Variants in DEPDC1 observed in about 807,000 individuals in gnomAD.
The protein encoded by DEPDC1 is DEP domain containing 1, also known as DEP domain-containing protein 1A.
A neutral mutation model predicts 86.8 loss-of-function variants in DEPDC1; 66 were observed. The observed-to-expected ratio is 0.76, with a 90% CI of 0.62 to 0.93. The LOEUF (loss-of-function observed/expected upper bound fraction) is 0.93. Among genes scored for constraint, DEPDC1 ranks in the 40% least tolerant of loss-of-function variants. DEPDC1 has a pLI of 0.00. For missense variants in DEPDC1, 792 were observed against 935.7 expected (o/e 0.85, Z 2.00); for synonymous variants, 255 against 314.9 (o/e 0.81, Z 2.02).
At chr1:68,477,481 A>G (rs1238216712) in intron 11 of DEPDC1, among the ~76,000 whole-genome samples, 1 of 151,746 alleles carries the variant, frequency 6.6e-6, no homozygotes, top group Non-Finnish European at 1.5e-5. Context: ...ATACATATCC[A>G]TACCTTATAA....
At chr1:68,492,676 A>T (rs1646237787) in intron 2 of DEPDC1, among the ~76,000 whole-genome samples, 1 of 152,216 alleles carries the variant, frequency 6.6e-6, no homozygotes, top group South Asian at 2.1e-4. Context: ...TTGAGGATTT[A>T]TGCAGAAATC....
At chr1:68,480,167 A>T (rs916303721) in intron 9 of DEPDC1, among the ~76,000 whole-genome samples, 11 of 151,688 alleles carry the variant, frequency 7.3e-5, no homozygotes, top group Non-Finnish European at 1.6e-4. Flanking sequence ...ATCTTATGGG[A>T]TCTTCAAATC....
At chr1:68,487,024 T>G (rs756833385) in intron 5 of DEPDC1, 40 bp from the exon 6 acceptor site, 8 of 1,564,164 alleles carry the variant, frequency 5.1e-6, no homozygotes, top group Non-Finnish European at 6.9e-6. Context: ...AACCATACAT[T>G]TTTTATGATA....
intron 6 of DEPDC1, among the ~76,000 whole-genome samples, chr1:68,484,642 C>T (rs1402417791): frequency 6.6e-6 from 1 of 151,842 alleles, no homozygotes. Context: ...GCTGAGAGTA[C>T]CTTGCCCAAG....
Position 68,489,541 on chromosome 1 carries a change from C to G in DEPDC1, c.382G>C (p.Glu128Gln), listed in dbSNP as rs1322888429. Residue 128 changes from glutamate to glutamine, a missense_variant, in exon 3 of 12, where the codon GAG becomes CAG. By Grantham distance (29) the Glu-to-Gln change is conservative (BLOSUM62 2). Transcript: ENST00000456315. ...RYPELRKNNIENFSKDKDSIF... is the reference protein window; with the variant it reads ...RYPELRKNNIQNFSKDKDSIF... ...CTATCTTTATCTTTGGAAAAGTTCT[C>G]TATGTTGTTTTTTCTCAATTCTGGA... The G allele has an allele frequency of 6.5e-7, 1 of 1,541,076 alleles. No homozygotes were observed. Among genetic ancestry groups the G allele is most frequent in the African/African-American group, 1.4e-5 (1 of 69,518 alleles).
chr1:68,478,913 CT>C (rs1646134944), intron 10 of DEPDC1, among the ~76,000 whole-genome samples: 1 of 151,926 alleles, frequency 6.6e-6, no homozygotes, highest in South Asian at 2.1e-4. Flanking sequence ...AGCCACATTC[CT>C]CATCATGTGA....
chr1:68,481,959 T>G, intron 8 of DEPDC1, 87 bp downstream of exon 8: 1 of 1,349,412 alleles, frequency 7.4e-7, no homozygotes, highest in Non-Finnish European at 9.9e-7. Context: ...ATTAAGCAAC[T>G]TCAAGGAAGA....
In DEPDC1 at chr1:68,489,670, T is replaced by C. The variant is rs1431707346; in HGVS notation, c.315-62A>G. The C allele has an allele frequency of 4.1e-6, 4 of 981,024 alleles. No homozygotes were observed. In the Admixed American group the frequency reaches 1.0e-4, roughly 25 times the overall value. The allele number at this position is 981,024 out of a possible 1,614,324, so 60.8% of individuals were successfully genotyped here. A position where few individuals can be genotyped will look rare whatever the true frequency, so the allele number is the denominator to read the frequency against. ...ATTAGAAACAAACTTTTAGAGCCTA[T>C]TTTTTTTTTAAAATTCACATAAAGA... On this transcript the variant is annotated intron_variant, in intron 2 of 11. Coordinates refer to ENST00000456315, the MANE Select transcript of DEPDC1 (RefSeq NM_001114120.3).
intron 7 of DEPDC1, chr1:68,483,455 A>T: frequency 2.5e-6 from 1 of 402,790 alleles, no homozygotes; most frequent in South Asian, 1.9e-5. Flanking sequence ...ATTGAGTTCA[A>T]TTGACAACAG....
At chr1:68,479,569 G>T (rs1162670979) in intron 9 of DEPDC1, among the ~76,000 whole-genome samples, 1 of 151,972 alleles carries the variant, frequency 6.6e-6, no homozygotes, top group African/African-American at 2.4e-5. Context: ...TTGGGAGGCT[G>T]AGGTGAGAGG....
At chr1:68,488,288 TCAATA>T in intron 5 of DEPDC1, 81 bp downstream of exon 5, 2 of 1,280,812 alleles carry the variant, frequency 1.6e-6, no homozygotes, top group South Asian at 3.8e-5. Flanking sequence ...TATTCTACTT[TCAATA>T]TTTGGGTCTC....
intron 2 of DEPDC1, among the ~76,000 whole-genome samples, chr1:68,490,730 A>T (rs966663488): frequency 1.3e-5 from 2 of 152,186 alleles, no homozygotes; most frequent in African/African-American, 4.8e-5. Flanking sequence ...AGCCAAGGCT[A>T]TCCTAAGAAA....
intron 10 of DEPDC1, among the ~76,000 whole-genome samples, chr1:68,478,920 T>C (rs1201248662): frequency 6.6e-6 from 1 of 151,986 alleles, no homozygotes; most frequent in Non-Finnish European, 1.5e-5. Flanking sequence ...TTCCTCATCA[T>C]GTGAAGGAGC....
At chr1:68,478,185 A>T (rs1646130384) in intron 10 of DEPDC1, among the ~76,000 whole-genome samples, 1 of 151,988 alleles carries the variant, frequency 6.6e-6, no homozygotes, top group Non-Finnish European at 1.5e-5. Context: ...TCAACAATGT[A>T]TTTAACTTTT....
At chr1:68,479,772 T>C (rs1419971141) in intron 9 of DEPDC1, among the ~76,000 whole-genome samples, 2 of 150,314 alleles carry the variant, frequency 1.3e-5, no homozygotes, top group Admixed American at 6.6e-5. Context: ...CACTGTACTC[T>C]AGCCTGGGAA....
chr1:68,481,481 C>T lies in DEPDC1; in HGVS notation c.1894G>A (p.Asp632Asn), dbSNP rs1395967592. Residue 632 changes from aspartate (D) to asparagine (N), a missense_variant, in exon 9 of 12, where the codon GAT becomes AAT. Asp to Asn is a conservative substitution (Grantham distance 23). Transcript: ENST00000456315. ...ATTGCATCATGAAGTTTGGGCATAT[C>T]AACATTTTGACTCATTCGGGAAATC... ...RMISRMSQNV[D>N]MPKLHDAMGT... 1.2e-6 allele frequency: 2 copies of T among 1,612,406 alleles called. No homozygotes were observed. Among genetic ancestry groups the T allele is most frequent in the African/African-American group, 1.3e-5 (1 of 74,934 alleles).
intron 1 of DEPDC1, among the ~76,000 whole-genome samples, chr1:68,495,835 A>C (rs761384415): frequency 6.6e-6 from 1 of 152,238 alleles, no homozygotes; most frequent in Non-Finnish European, 1.5e-5. Context: ...TGGAATGATA[A>C]AATGATGTAA....
intron 1 of DEPDC1, among the ~76,000 whole-genome samples, chr1:68,495,842 G>A (rs1470859442): frequency 6.6e-6 from 1 of 152,196 alleles, no homozygotes; most frequent in African/African-American, 2.4e-5. Context: ...ATAAAATGAT[G>A]TAATATATGT....
chr1:68,485,246 G>A lies in DEPDC1; in HGVS notation c.770-1156C>T, dbSNP rs1435523601. 2.0e-5 allele frequency among the ~76,000 whole-genome samples: 3 copies of A among 151,504 alleles called. No individual in the cohort carries two copies. The South Asian group carries it at 6.2e-4, about 32-fold the overall frequency. ...TCTAAGGACATAAGAAATAGTATGT[G>A]GAATAAAAGATTTGATAATCATTAG... On this transcript the variant is annotated intron_variant, in intron 6 of 11. Transcript: ENST00000456315.
Sources: gnomAD v4.1 joint callset for allele counts (sites outside exome capture counted in the v4.1 genomes callset) on GRCh38, gnomAD v4.1.1 for gene constraint, MANE v1.5 for transcripts, NCBI Gene and HGNC (gene_info 2026-07-23, HGNC 2026-07-21) for gene names.